Variants in RIC3 observed in about 807,000 individuals in gnomAD.
RIC3 encodes RIC3 acetylcholine receptor chaperone.
A neutral mutation model predicts 27.3 loss-of-function variants in RIC3; 28 were observed. The observed-to-expected ratio is 1.02, with a 90% confidence interval of 0.76 to 1.41. RIC3 has a LOEUF of 1.41. Among genes scored for constraint, RIC3 ranks in the 40% most tolerant of loss-of-function variants. The probability of loss-of-function intolerance (pLI) is 0.00; values close to 1 mark genes in which losing one functional copy is unlikely to be tolerated. For missense variants in RIC3, 501 were observed against 444.7 expected, an observed-to-expected ratio of 1.13 and a Z score of -1.14; for synonymous variants, 184 against 160.4, an observed-to-expected ratio of 1.15 and a Z score of -1.11.
chr11:8,157,847 C>T (rs571745582), intron 1 of RIC3, among the ~76,000 whole-genome samples: 1 of 152,154 alleles, frequency 6.6e-6, no homozygotes, highest in Non-Finnish European at 1.5e-5. Context: ...CTTACCTGTA[C>T]GTTTCTAAAC....
rs770677925 is a variant in RIC3 at position 8,110,909 on chromosome 11, G to C, written c.899C>G (p.Pro300Arg). ...ATGAAAACAGCAGGAACATGTTTCTGGCTTTGGATCACACGAGGTAACAGA... is the reference window on the plus strand; with the variant it reads ...ATGAAAACAGCAGGAACATGTTTCTCGCTTTGGATCACACGAGGTAACAGA... ...DNSVTSCDPKPETCSCCFHED... is the reference protein window; with the variant it reads ...DNSVTSCDPKRETCSCCFHED... The change falls in exon 6 of 6, where the codon CCA becomes CGA. Residue 300 changes from proline to arginine, a missense_variant. By Grantham distance (103) the Pro-to-Arg change is moderately radical. Coordinates refer to ENST00000309737, the MANE Select transcript of RIC3 (RefSeq NM_001206671.4). 77 of 1,614,090 alleles carry C rather than the reference G, an allele frequency of 4.8e-5. No individual in the cohort carries two copies. The highest frequency in any genetic ancestry group is 5.8e-5 in the Non-Finnish European group (69 of 1,180,052).
chr11:8,145,412 C>T (rs1166009783), intron 1 of RIC3, among the ~76,000 whole-genome samples: 1 of 152,128 alleles, frequency 6.6e-6, no homozygotes, highest in South Asian at 2.1e-4. Context: ...TTTGTGCACA[C>T]AGGGGAAGAT....
the RIC3 span, chr11:8,097,238 C>T: frequency 6.2e-7 from 1 of 1,614,106 alleles, no homozygotes; most frequent in South Asian, 1.1e-5. Flanking sequence ...GAGGCAGCCT[C>T]AGCCCCTAGC....
rs75934991 is a variant in RIC3, at chr11:8,128,531, A to T, written c.522-1724T>A. On this transcript the variant is annotated intron_variant, in intron 4 of 5. Transcript: ENST00000309737. ...ATCTTCTGAATTTATTGCAATGAAT[A>T]TTTTCATGGATTCCTTATCATCTCA... 3.7e-4 allele frequency among the ~76,000 whole-genome samples: 57 copies of T among 152,208 alleles called. No individual in the cohort carries two copies. In the East Asian group the frequency reaches 0.01, roughly 28 times the overall value.
At chr11:8,162,629 CTTTTT>C (rs757717970) in intron 1 of RIC3, among the ~76,000 whole-genome samples, 5 of 83,734 alleles carry the variant, frequency 6.0e-5, no homozygotes, top group Non-Finnish European at 7.1e-5. Flanking sequence ...CATGCTTCTT[CTTTTT>C]TTTTTTTTTT....
At chr11:8,101,601 C>T (rs1200769204), downstream of RIC3, 3 of 1,614,114 alleles carry the variant, frequency 1.9e-6, no homozygotes, top group Non-Finnish European at 1.7e-6. Flanking sequence ...GCTTCGACAG[C>T]AAGCTGGCGT....
chr11:8,162,629 C>CTTTTTTT (rs757717970), intron 1 of RIC3, among the ~76,000 whole-genome samples: 171 of 83,734 alleles, frequency 2.0e-3, no homozygotes, highest in Non-Finnish European at 2.4e-3. Flanking sequence ...CATGCTTCTT[C>CTTTTTTT]TTTTTTTTTT....
intron 1 of RIC3, among the ~76,000 whole-genome samples, chr11:8,164,000 A>G (rs1951436734): frequency 6.6e-6 from 1 of 152,228 alleles, no homozygotes; most frequent in Non-Finnish European, 1.5e-5. Context: ...AAGGATAAGT[A>G]TACAGATTAA....
chr11:8,137,313 T>G, intron 4 of RIC3, 65 bp downstream of exon 4: 2 of 1,476,900 alleles, frequency 1.4e-6, no homozygotes, highest in South Asian at 1.1e-5. Flanking sequence ...CCTCGGCCAC[T>G]GCACCCAGCC....
chr11:8,133,092 C>T (rs1947930995), intron 4 of RIC3, among the ~76,000 whole-genome samples: 1 of 152,128 alleles, frequency 6.6e-6, no homozygotes, highest in Admixed American at 6.6e-5. Flanking sequence ...CAGATTAATG[C>T]CATTATCTCA....
rs4628666 is a variant in RIC3 at position 8,110,049 on chromosome 11, A to C, written c.*649T>G. 0.053 allele frequency: 8,275 copies of C among 157,582 alleles called. 655 individuals carry two copies. Among genetic ancestry groups the C allele is most frequent in the East Asian group, 0.37 (1,974 of 5,326 alleles). 9.8% of individuals were successfully genotyped at this position (157,582 alleles called of 1,614,324 possible). A position where few individuals can be genotyped will look rare whatever the true frequency, so the allele number is the denominator to read the frequency against. On this transcript the variant is annotated 3_prime_UTR_variant, in exon 6 of 6. Coordinates refer to ENST00000309737, the MANE Select transcript of RIC3 (RefSeq NM_001206671.4). Reference sequence around the variant, plus strand: ...GTAGTATCAGAGTAAAACAGTCCCCAAACAAGCCTCTGGGCTCATTCTCAG... The same window carrying C: ...GTAGTATCAGAGTAAAACAGTCCCCCAACAAGCCTCTGGGCTCATTCTCAG...
intron 1 of RIC3, among the ~76,000 whole-genome samples, chr11:8,156,115 G>C (rs929683165): frequency 6.6e-6 from 1 of 150,616 alleles, no homozygotes; most frequent in Non-Finnish European, 1.5e-5. Flanking sequence ...GCTTAGCACA[G>C]GGCCCGATCC....
chr11:8,115,535 C>T (rs187761820), intron 5 of RIC3, among the ~76,000 whole-genome samples: 31 of 152,102 alleles, frequency 2.0e-4, no homozygotes, highest in East Asian at 9.7e-4. Context: ...AGGCTAGGTG[C>T]GGTGGCTAAC....
intron 1 of RIC3, among the ~76,000 whole-genome samples, chr11:8,152,107 G>T (rs1950295117): frequency 6.6e-6 from 1 of 152,168 alleles, no homozygotes; most frequent in Non-Finnish European, 1.5e-5. Context: ...GCAAGTGTTT[G>T]AGGGATGTAA....
intron 1 of RIC3, among the ~76,000 whole-genome samples, chr11:8,142,586 T>C (rs1949199868): frequency 6.8e-6 from 1 of 148,132 alleles, no homozygotes; most frequent in South Asian, 2.2e-4. Flanking sequence ...ACAGCCGAAT[T>C]CTATCAGAGG....
At chr11:8,115,134 C>A (rs1044151227) in intron 5 of RIC3, among the ~76,000 whole-genome samples, 1 of 151,890 alleles carries the variant, frequency 6.6e-6, no homozygotes, top group Non-Finnish European at 1.5e-5. Context: ...AAGACTATAT[C>A]AAGAAGTATT....
chr11:8,151,074 G>A (rs1388880259), intron 1 of RIC3, among the ~76,000 whole-genome samples: 1 of 152,118 alleles, frequency 6.6e-6, no homozygotes, highest in African/African-American at 2.4e-5. Context: ...TTGTGACTGT[G>A]GATTAGGTGA....
Position 8,155,819 on chromosome 11 carries a change from G to C in RIC3, c.124+13047C>G, listed in dbSNP as rs191015584. ...TTCAAGAAAGGTCTTAAGGGGGCCA[G>C]TTGCTTAAGATAGCCAAGCTTTTCC... On this transcript the variant is annotated intron_variant, in intron 1 of 5. Coordinates refer to ENST00000309737, the MANE Select transcript of RIC3 (RefSeq NM_001206671.4). 4.3e-3 allele frequency among the ~76,000 whole-genome samples: 651 copies of C among 152,274 alleles called. 7 individuals are homozygous for C. The highest frequency in any genetic ancestry group is 0.015 in the African/African-American group (625 of 41,550).
intron 5 of RIC3, among the ~76,000 whole-genome samples, chr11:8,116,305 A>G (rs1201273032): frequency 1.3e-5 from 2 of 152,236 alleles, no homozygotes; most frequent in South Asian, 2.1e-4. Context: ...AGACTTAAAC[A>G]TAAGACCTGA....
Sources: allele counts gnomAD v4.1 joint callset (sites outside exome capture counted in the v4.1 genomes callset), GRCh38; gene constraint gnomAD v4.1.1; transcripts MANE v1.5; gene names NCBI Gene and HGNC (gene_info 2026-07-23, HGNC 2026-07-21).